Variants in BANK1 observed in about 807,000 individuals in gnomAD.
The protein encoded by BANK1 is B cell scaffold protein with ankyrin repeats 1, also known as B-cell scaffold protein with ankyrin repeats.
A neutral mutation model predicts 94.5 loss-of-function variants in BANK1; 95 were observed. That is an observed-to-expected ratio of 1.00 (90% CI 0.85 to 1.19). The LOEUF is 1.19. Among genes scored for constraint, BANK1 ranks in the 50% most tolerant of loss-of-function variants. BANK1 has a pLI of 0.00. For synonymous variants in BANK1, 334 were observed against 308.4 expected (o/e 1.08, Z -0.87); for missense variants, 987 against 932.2 (o/e 1.06, Z -0.77).
At chr4:101,996,186 T>C (rs1187259511) in intron 7 of BANK1, among the ~76,000 whole-genome samples, 2 of 152,238 alleles carry the variant, frequency 1.3e-5, no homozygotes, top group Non-Finnish European at 2.9e-5. Flanking sequence ...AAATAGGGAA[T>C]CCTTTCCCCA....
intron 7 of BANK1, among the ~76,000 whole-genome samples, chr4:101,936,553 C>T (rs1230881241): frequency 6.7e-6 from 1 of 149,906 alleles, no homozygotes; most frequent in Non-Finnish European, 1.5e-5. Context: ...TACACGTATA[C>T]ATATATGTAT....
chr4:101,869,463 A>C (rs574187058), intron 4 of BANK1, among the ~76,000 whole-genome samples: 1 of 151,952 alleles, frequency 6.6e-6, no homozygotes, highest in Non-Finnish European at 1.5e-5. Flanking sequence ...TTTGTAATAC[A>C]GGCGAGGTGT....
chr4:101,916,134 A>G (rs551959399), intron 6 of BANK1, among the ~76,000 whole-genome samples: 1 of 152,152 alleles, frequency 6.6e-6, no homozygotes, highest in Admixed American at 6.6e-5. Flanking sequence ...GTGACATGGC[A>G]TCAAGCCCAG....
intron 10 of BANK1, among the ~76,000 whole-genome samples, chr4:102,043,344 TAA>T (rs1191404486): frequency 1.3e-5 from 2 of 152,092 alleles, no homozygotes; most frequent in African/African-American, 4.8e-5. Flanking sequence ...GCTGTTTTAA[TAA>T]GTCTGCGGTC....
intron 2 of BANK1, among the ~76,000 whole-genome samples, chr4:101,836,804 G>T (rs971838483): frequency 6.6e-6 from 1 of 152,134 alleles, no homozygotes; most frequent in Admixed American, 6.5e-5. Flanking sequence ...AAAATCAAGA[G>T]GTTAAAAGAA....
intron 6 of BANK1, among the ~76,000 whole-genome samples, chr4:101,904,474 C>T (rs1722381880): frequency 6.6e-6 from 1 of 152,184 alleles, no homozygotes; most frequent in Non-Finnish European, 1.5e-5. Flanking sequence ...TATCTGTTAA[C>T]CATTTTAAAG....
At chr4:101,869,427 G>A (rs1021007523) in intron 4 of BANK1, among the ~76,000 whole-genome samples, 6 of 151,806 alleles carry the variant, frequency 4.0e-5, no homozygotes, top group African/African-American at 1.4e-4. Flanking sequence ...GGAAGAGAGA[G>A]CTCCTATTTT....
intron 6 of BANK1, among the ~76,000 whole-genome samples, chr4:101,907,762 C>G (rs1015587908): frequency 1.3e-5 from 2 of 152,168 alleles, no homozygotes; most frequent in Non-Finnish European, 2.9e-5. Flanking sequence ...ACACCAATAA[C>G]AGACAAACAG....
chr4:101,927,909 G>T (rs1332801146), intron 7 of BANK1, among the ~76,000 whole-genome samples: 1 of 151,622 alleles, frequency 6.6e-6, no homozygotes, highest in Non-Finnish European at 1.5e-5. Context: ...GGTAGGAAGA[G>T]AATCAAGAAA....
intron 7 of BANK1, among the ~76,000 whole-genome samples, chr4:102,019,207 TA>T (rs1315357588): frequency 6.6e-6 from 1 of 152,228 alleles, no homozygotes; most frequent in Non-Finnish European, 1.5e-5. Context: ...TGATTATTTT[TA>T]AAATGGGAAA....
chr4:101,857,768 A>G (rs1035889754), intron 3 of BANK1, among the ~76,000 whole-genome samples: 8 of 152,160 alleles, frequency 5.3e-5, no homozygotes, highest in Non-Finnish European at 8.8e-5. Flanking sequence ...ATGTAAGTTA[A>G]TTATCTGTGT....
At position 102,063,134 on chromosome 4, in the gene BANK1, CTAT is replaced by C; in HGVS notation, c.2209_2211del (p.Tyr737del). ...GGAAAAGGCCAGAAGAAGAAAATGTCTATAGTAAGTAAGATTCGCCTGCTATTC... is the reference window on the plus strand; with the variant it reads ...GGAAAAGGCCAGAAGAAGAAAATGTCAGTAAGTAAGATTCGCCTGCTATTC... On this transcript the variant is annotated inframe_deletion and splice_region_variant, in exon 13 of 17. Transcript: ENST00000322953. 6.2e-7 allele frequency: 1 copy of C among 1,611,574 alleles called. No individual in the cohort carries two copies. The highest frequency in any genetic ancestry group is 1.3e-5 in the African/African-American group (1 of 74,926).
chr4:101,840,487 T>C (rs1727004308), intron 2 of BANK1, among the ~76,000 whole-genome samples: 1 of 152,156 alleles, frequency 6.6e-6, no homozygotes, highest in Admixed American at 6.5e-5. Flanking sequence ...CTGAAGGTTG[T>C]GTGTTTACCA....
At chr4:101,917,419 T>C (rs974492587) in intron 6 of BANK1, among the ~76,000 whole-genome samples, 5 of 151,902 alleles carry the variant, frequency 3.3e-5, no homozygotes, top group Non-Finnish European at 5.9e-5. Flanking sequence ...TCTAAGACAT[T>C]GATAAAAAAG....
intron 7 of BANK1, among the ~76,000 whole-genome samples, chr4:101,987,631 AG>A (rs1725560791): frequency 6.6e-6 from 1 of 152,176 alleles, no homozygotes; most frequent in African/African-American, 2.4e-5. Context: ...CACTTGTTCA[AG>A]TAATTCTGAG....
chr4:102,042,607 T>C (rs1727737805), intron 10 of BANK1, among the ~76,000 whole-genome samples: 1 of 151,990 alleles, frequency 6.6e-6, no homozygotes, highest in Non-Finnish European at 1.5e-5. Flanking sequence ...TCCTTGATCT[T>C]ATATTGGTTT....
At chr4:101,982,871 CTA>C (rs913087037) in intron 7 of BANK1, among the ~76,000 whole-genome samples, 7 of 150,734 alleles carry the variant, frequency 4.6e-5, no homozygotes, top group African/African-American at 9.7e-5. Flanking sequence ...TATTCTAAGG[CTA>C]TATATATATA....
chr4:101,988,066 T>C (rs1176248154), intron 7 of BANK1, among the ~76,000 whole-genome samples: 1 of 152,186 alleles, frequency 6.6e-6, no homozygotes, highest in Non-Finnish European at 1.5e-5. Flanking sequence ...AAGGAATAAA[T>C]ACTTCTTGAG....
intron 7 of BANK1, among the ~76,000 whole-genome samples, chr4:101,962,761 A>G (rs1025445116): frequency 1.3e-5 from 2 of 152,130 alleles, no homozygotes; most frequent in African/African-American, 4.8e-5. Context: ...TATGGTCAAT[A>G]TATTTTTAAA....
Sources: gnomAD v4.1 joint callset for allele counts (sites outside exome capture counted in the v4.1 genomes callset) on GRCh38, gnomAD v4.1.1 for gene constraint, MANE v1.5 for transcripts, NCBI Gene and HGNC (gene_info 2026-07-23, HGNC 2026-07-21) for gene names.